Variants in DPYD observed in about 807,000 individuals in gnomAD.
The protein encoded by DPYD is dihydropyrimidine dehydrogenase [NADP(+)].
Under a neutral mutation model 116.2 loss-of-function variants are expected in DPYD, and 109 were observed. That is an observed-to-expected ratio of 0.94 (90% CI 0.80 to 1.10). The LOEUF (loss-of-function observed/expected upper bound fraction) is 1.10. Among genes scored for constraint, DPYD ranks in the 50% least tolerant of loss-of-function variants. The pLI, the probability that DPYD is intolerant of heterozygous loss-of-function variation, is 0.00. For synonymous variants in DPYD, 440 were observed against 432.0 expected (o/e 1.02, Z -0.23); for missense variants, 1,302 against 1,254.5 (o/e 1.04, Z -0.57).
At chr1:97,363,669 G>A (rs1381787560) in intron 16 of DPYD, among the ~76,000 whole-genome samples, 1 of 152,098 alleles carries the variant, frequency 6.6e-6, no homozygotes, top group Non-Finnish European at 1.5e-5. Flanking sequence ...GGATACAGCT[G>A]GAAACCATCA....
intron 5 of DPYD, among the ~76,000 whole-genome samples, chr1:97,717,274 T>C (rs1389128857): frequency 6.6e-6 from 1 of 152,048 alleles, no homozygotes; most frequent in Non-Finnish European, 1.5e-5. Flanking sequence ...TGAGAGGTGA[T>C]AGTTTAGAAA....
At chr1:97,762,230 T>C (rs1055563750) in intron 3 of DPYD, among the ~76,000 whole-genome samples, 2 of 152,122 alleles carry the variant, frequency 1.3e-5, no homozygotes, top group Non-Finnish European at 2.9e-5. Context: ...AGAGAGGACA[T>C]AGTCAGAGAA....
At chr1:97,231,174 G>A (rs138287688) in intron 19 of DPYD, among the ~76,000 whole-genome samples, 2 of 152,298 alleles carry the variant, frequency 1.3e-5, no homozygotes, top group African/African-American at 4.8e-5. Context: ...TAAGAGGTAA[G>A]CTATAGCCTG....
intron 19 of DPYD, among the ~76,000 whole-genome samples, chr1:97,201,326 G>A (rs570573671): frequency 4.6e-5 from 7 of 152,028 alleles, no homozygotes; most frequent in African/African-American, 1.7e-4. Flanking sequence ...CACACCTACT[G>A]ATTAAAAAAA....
chr1:97,779,338 C>A (rs1666600766), intron 3 of DPYD, among the ~76,000 whole-genome samples: 1 of 151,770 alleles, frequency 6.6e-6, no homozygotes, highest in East Asian at 1.9e-4. Context: ...CAAAGACTTA[C>A]AAGCTGCAAT....
chr1:97,744,561 G>A (rs1487666043), intron 3 of DPYD, among the ~76,000 whole-genome samples: 1 of 151,942 alleles, frequency 6.6e-6, no homozygotes, highest in Non-Finnish European at 1.5e-5. Context: ...GGTTTCATCA[G>A]GCTATGTAAA....
At chr1:97,173,323 T>TAC (rs1281459803) in intron 20 of DPYD, among the ~76,000 whole-genome samples, 2 of 136,380 alleles carry the variant, frequency 1.5e-5, no homozygotes, top group Admixed American at 1.4e-4. Flanking sequence ...CACACATATA[T>TAC]ACACATATAT....
chr1:97,909,758 TACTC>T (rs1354349664), intron 1 of DPYD, among the ~76,000 whole-genome samples: 1 of 152,102 alleles, frequency 6.6e-6, no homozygotes, highest in African/African-American at 2.4e-5. Context: ...TAAGTAATCT[TACTC>T]AGTCCCAAGA....
At chr1:97,181,713 T>C (rs979328740) in intron 20 of DPYD, among the ~76,000 whole-genome samples, 2 of 152,176 alleles carry the variant, frequency 1.3e-5, no homozygotes, top group African/African-American at 4.8e-5. Context: ...CAAATGTTTC[T>C]ATCTACCCCA....
At chr1:97,555,949 T>C (rs1225265845) in intron 11 of DPYD, among the ~76,000 whole-genome samples, 1 of 152,208 alleles carries the variant, frequency 6.6e-6, no homozygotes, top group Non-Finnish European at 1.5e-5. Flanking sequence ...CCATTCCACA[T>C]CTGCATTTGA....
intron 11 of DPYD, 23 bp downstream of exon 11, chr1:97,573,737 C>A: frequency 6.2e-7 from 1 of 1,613,030 alleles, no homozygotes; most frequent in Non-Finnish European, 8.5e-7. Context: ...TTGCATCACA[C>A]ATTTCAGCTC....
intron 20 of DPYD, among the ~76,000 whole-genome samples, chr1:97,184,098 G>T (rs887686821): frequency 6.6e-6 from 1 of 151,878 alleles, no homozygotes; most frequent in Non-Finnish European, 1.5e-5. Flanking sequence ...GACACATCTC[G>T]TTCCTTTTTA....
intron 12 of DPYD, among the ~76,000 whole-genome samples, chr1:97,540,724 G>A (rs550859438): frequency 1.1e-4 from 17 of 152,242 alleles, no homozygotes; most frequent in African/African-American, 2.9e-4. Flanking sequence ...GACTCTCCCC[G>A]GAGGTTGGGG....
At chr1:97,826,139 A>G (rs942587095) in intron 3 of DPYD, among the ~76,000 whole-genome samples, 2 of 152,140 alleles carry the variant, frequency 1.3e-5, no homozygotes, top group Non-Finnish European at 2.9e-5. Context: ...TGTCTCATAG[A>G]ATGGGTGGTT....
At chr1:97,441,939 G>T (rs887067456) in intron 14 of DPYD, among the ~76,000 whole-genome samples, 2 of 152,082 alleles carry the variant, frequency 1.3e-5, no homozygotes, top group Non-Finnish European at 1.5e-5. Flanking sequence ...TTAATTAAGA[G>T]TCTTATTTAT....
At chr1:97,314,392 TG>T (rs1461800593) in intron 16 of DPYD, among the ~76,000 whole-genome samples, 1 of 151,918 alleles carries the variant, frequency 6.6e-6, no homozygotes, top group Non-Finnish European at 1.5e-5. Context: ...AACTTAATGA[TG>T]TTTTTTTCTT....
rs1649647231 is a variant in DPYD, at chr1:97,531,824, A to T, written c.1525-15883T>A. 5.9e-5 allele frequency among the ~76,000 whole-genome samples: 9 copies of T among 152,186 alleles called. No homozygotes were observed. The South Asian group carries it at 1.9e-3, about 32-fold the overall frequency. Reference sequence around the variant, plus strand: ...GCAGTATTTTAGAGTTTTTATTTTAAAAGTATTTCATGTCCTTGATTCAGT... The same window carrying T: ...GCAGTATTTTAGAGTTTTTATTTTATAAGTATTTCATGTCCTTGATTCAGT... On this transcript the variant is annotated intron_variant, in intron 12 of 22. Coordinates refer to ENST00000370192, the MANE Select transcript of DPYD (RefSeq NM_000110.4).
At chr1:97,646,560 T>C (rs1658273782) in intron 8 of DPYD, among the ~76,000 whole-genome samples, 1 of 152,148 alleles carries the variant, frequency 6.6e-6, no homozygotes, top group South Asian at 2.1e-4. Context: ...AGTTTTCTTC[T>C]TTTAAATAAA....
chr1:97,729,136 T>A (rs1352056652), intron 4 of DPYD, among the ~76,000 whole-genome samples: 1 of 152,156 alleles, frequency 6.6e-6, no homozygotes, highest in Non-Finnish European at 1.5e-5. Context: ...TAATCATTCT[T>A]GTAGAAGATA....
Sources: allele counts gnomAD v4.1 joint callset (sites outside exome capture counted in the v4.1 genomes callset), GRCh38; gene constraint gnomAD v4.1.1; transcripts MANE v1.5; gene names NCBI Gene and HGNC (gene_info 2026-07-23, HGNC 2026-07-21).